Variants in LIPC observed in about 807,000 individuals in gnomAD.
LIPC encodes lipase C, hepatic type.
In LIPC, 44 loss-of-function variants were observed where a neutral mutation model predicts 50.7. The ratio of observed to expected loss-of-function variants is 0.87; its 90% CI spans 0.68 to 1.11. The LOEUF (loss-of-function observed/expected upper bound fraction) is 1.11, where lower values mean the gene tolerates loss of function less well. Ranked by LOEUF, LIPC falls within the 50% of genes most tolerant of loss-of-function variation. LIPC has a pLI of 0.00. For synonymous variants in LIPC, 271 were observed against 256.4 expected, an observed-to-expected ratio of 1.06 and a Z score of -0.54; for missense variants, 697 against 648.2, an observed-to-expected ratio of 1.08 and a Z score of -0.82.
At chr15:58,441,214 G>C (rs1195578414) in intron 1 of LIPC, among the ~76,000 whole-genome samples, 2 of 152,192 alleles carry the variant, frequency 1.3e-5, no homozygotes, top group Non-Finnish European at 2.9e-5. Flanking sequence ...TCAAGGCTTG[G>C]AGCAAGTCTC....
chr15:58,507,916 T>G (rs1333936266), intron 1 of LIPC, among the ~76,000 whole-genome samples: 1 of 152,136 alleles, frequency 6.6e-6, no homozygotes, highest in Non-Finnish European at 1.5e-5. Flanking sequence ...ACGAGTGGAC[T>G]TGGGGAACTT....
At chr15:58,515,409 C>T (rs1304057964) in intron 1 of LIPC, among the ~76,000 whole-genome samples, 4 of 152,088 alleles carry the variant, frequency 2.6e-5, no homozygotes, top group Admixed American at 6.5e-5. Flanking sequence ...TCAGCAAATA[C>T]CATAGAGCAG....
intron 6 of LIPC, among the ~76,000 whole-genome samples, chr15:58,551,033 C>T (rs56122478): frequency 0.43 from 53,521 of 123,282 alleles, 10,880 homozygotes; most frequent in South Asian, 0.56. Flanking sequence ...GACGGGGTTT[C>T]GCCACGTTGG....
intron 1 of LIPC, among the ~76,000 whole-genome samples, chr15:58,487,839 T>C (rs552069479): frequency 1.3e-5 from 2 of 152,292 alleles, no homozygotes; most frequent in Non-Finnish European, 2.9e-5. Context: ...TGGCCCTGGA[T>C]AGATCATGAA....
intron 1 of LIPC, chr15:58,494,885 T>A (rs768538721): frequency 6.6e-6 from 3 of 456,112 alleles, no homozygotes; most frequent in African/African-American, 2.0e-5. Context: ...CTGGTTTTTC[T>A]GTTTTGATTG....
intron 1 of LIPC, among the ~76,000 whole-genome samples, chr15:58,505,912 C>A (rs972823364): frequency 1.0e-4 from 1 of 9,726 alleles, no homozygotes; most frequent in Middle Eastern, 0.056. Context: ...ACCATACAGC[C>A]AGTACCCGCG....
intron 8 of LIPC, among the ~76,000 whole-genome samples, chr15:58,567,476 A>G (rs1260539912): frequency 6.6e-6 from 1 of 151,010 alleles, no homozygotes; most frequent in Non-Finnish European, 1.5e-5. Flanking sequence ...TAGGTGTCTT[A>G]TCATCTTTCT....
intron 6 of LIPC, among the ~76,000 whole-genome samples, chr15:58,550,703 T>C (rs1893718098): frequency 6.6e-6 from 1 of 151,902 alleles, no homozygotes; most frequent in African/African-American, 2.4e-5. Flanking sequence ...CTGGGACATC[T>C]AGTGAGGAGG....
chr15:58,452,826 A>AG (rs2140679542), intron 1 of LIPC, among the ~76,000 whole-genome samples: 1 of 152,220 alleles, frequency 6.6e-6, no homozygotes, highest in South Asian at 2.1e-4. Context: ...GCTGGTAGTG[A>AG]GGGTACAGCT....
At chr15:58,484,193 C>T (rs992443745) in intron 1 of LIPC, among the ~76,000 whole-genome samples, 2 of 152,214 alleles carry the variant, frequency 1.3e-5, no homozygotes, top group African/African-American at 2.4e-5. Flanking sequence ...CTGTCCTTGG[C>T]ATTTCACCTC....
chr15:58,540,495 G>A (rs550841310), intron 2 of LIPC, among the ~76,000 whole-genome samples: 3 of 152,306 alleles, frequency 2.0e-5, no homozygotes, highest in Admixed American at 6.5e-5. Context: ...TAGAAACTAG[G>A]AGAGCCTAGA....
chr15:58,561,034 G>A, intron 7 of LIPC, 53 bp downstream of exon 7: 1 of 886,376 alleles, frequency 1.1e-6, no homozygotes, highest in South Asian at 1.3e-5. Context: ...TTTTCTTGCA[G>A]AACATAAATG....
chr15:58,503,523 G>C (rs1372335040), intron 1 of LIPC, among the ~76,000 whole-genome samples: 1 of 152,204 alleles, frequency 6.6e-6, no homozygotes, highest in Non-Finnish European at 1.5e-5. Flanking sequence ...CCTCGCATCT[G>C]ATACTGGCGC....
intron 1 of LIPC, among the ~76,000 whole-genome samples, chr15:58,448,973 C>T (rs967237800): frequency 2.6e-5 from 4 of 152,124 alleles, no homozygotes; most frequent in Non-Finnish European, 5.9e-5. Context: ...ACTGGCCACA[C>T]ATGACGAGAA....
Position 58,563,737 on chromosome 15 carries a change from C to A in LIPC, c.1388+14C>A. On this transcript the variant is annotated intron_variant, in intron 8 of 8. Transcript: ENST00000299022. ...AACCCAGCAAAGGTGACTGCTGATT[C>A]AATCTCCTATTAACGTCCATTAAGC... The A allele has an allele frequency of 6.2e-7, 1 of 1,606,082 alleles. No homozygotes were observed. The highest frequency in any genetic ancestry group is 1.1e-5 in the South Asian group (1 of 90,560).
At chr15:58,557,162 G>T (rs1384073099) in intron 6 of LIPC, among the ~76,000 whole-genome samples, 2 of 152,130 alleles carry the variant, frequency 1.3e-5, no homozygotes, top group African/African-American at 4.8e-5. Context: ...GAGTCAGGTT[G>T]TGTGAGCCGA....
chr15:58,566,676 G>A (rs573585774), intron 8 of LIPC, among the ~76,000 whole-genome samples: 1 of 152,158 alleles, frequency 6.6e-6, no homozygotes. Flanking sequence ...GATGAGTAGG[G>A]TTGTGGAGAT....
intron 1 of LIPC, among the ~76,000 whole-genome samples, chr15:58,513,941 G>C (rs927096820): frequency 2.0e-5 from 3 of 152,164 alleles, no homozygotes; most frequent in Non-Finnish European, 4.4e-5. Flanking sequence ...AGTTCACCCA[G>C]CCAGAAGGCC....
chr15:58,440,268 A>C (rs1297490755), intron 1 of LIPC, among the ~76,000 whole-genome samples: 1 of 152,216 alleles, frequency 6.6e-6, no homozygotes, highest in Non-Finnish European at 1.5e-5. Context: ...AAATATGATC[A>C]GGAAAATTCT....
Sources: allele counts gnomAD v4.1 joint callset (sites outside exome capture counted in the v4.1 genomes callset), GRCh38; gene constraint gnomAD v4.1.1; transcripts MANE v1.5; gene names NCBI Gene and HGNC (gene_info 2026-07-23, HGNC 2026-07-21).